Variants in ADAMTSL3 observed in about 807,000 individuals in gnomAD.
ADAMTSL3 encodes the protein ADAMTS like 3.
ADAMTSL3 carries 128 observed loss-of-function variants against 201.7 expected under a neutral mutation model. That is an observed-to-expected ratio of 0.63 (90% CI 0.55 to 0.73). The LOEUF (loss-of-function observed/expected upper bound fraction) is 0.73. Ranked by LOEUF, ADAMTSL3 falls within the 30% of genes least tolerant of loss-of-function variation. The pLI, the probability that ADAMTSL3 is intolerant of heterozygous loss-of-function variation, is 0.00. For missense variants in ADAMTSL3, 1,990 were observed against 2,119.6 expected (o/e 0.94, Z 1.20); for synonymous variants, 738 against 748.4 (o/e 0.99, Z 0.23).
At chr15:83,964,713 C>T (rs899778852) in intron 19 of ADAMTSL3, among the ~76,000 whole-genome samples, 1 of 152,140 alleles carries the variant, frequency 6.6e-6, no homozygotes, top group Non-Finnish European at 1.5e-5. Flanking sequence ...CCCCAAGACA[C>T]ATAATCGTCA....
chr15:83,720,375 A>G (rs1015064209), intron 3 of ADAMTSL3, among the ~76,000 whole-genome samples: 3 of 152,242 alleles, frequency 2.0e-5, no homozygotes, highest in Admixed American at 2.0e-4. Context: ...CATTTCTTCC[A>G]TAGATATTTC....
intron 6 of ADAMTSL3, among the ~76,000 whole-genome samples, chr15:83,833,979 G>A (rs557469838): frequency 2.0e-5 from 3 of 152,264 alleles, no homozygotes; most frequent in South Asian, 2.1e-4. Flanking sequence ...GTTAATAACC[G>A]TGCTTTATCC....
intron 5 of ADAMTSL3, among the ~76,000 whole-genome samples, chr15:83,806,491 C>A (rs1187455719): frequency 6.6e-6 from 1 of 152,220 alleles, no homozygotes; most frequent in Non-Finnish European, 1.5e-5. Context: ...AGGGAAAAGT[C>A]TTTCCTTATA....
rs1040488628 is a variant in ADAMTSL3 at position 83,746,563 on chromosome 15, G to A, written c.190-26960G>A. The stretch of plus-strand genomic sequence containing the variant: ...ATGACAGAGTTAATACATCAACTGC[G>A]GTCTATTGCTCATGTTCCTGTTTGC... On this transcript the variant is annotated intron_variant, in intron 3 of 29. Transcript: ENST00000286744. 5.3e-5 allele frequency among the ~76,000 whole-genome samples: 8 copies of A among 152,066 alleles called. No homozygotes were observed. The South Asian group carries it at 8.3e-4, about 16-fold the overall frequency.
chr15:83,797,472 A>G (rs1040663043), intron 4 of ADAMTSL3, among the ~76,000 whole-genome samples: 1 of 152,044 alleles, frequency 6.6e-6, no homozygotes, highest in Non-Finnish European at 1.5e-5. Context: ...GTGGTAGCAC[A>G]TGCCTGTAAT....
chr15:83,887,944 C>T (rs2065429539), intron 10 of ADAMTSL3, among the ~76,000 whole-genome samples: 1 of 152,108 alleles, frequency 6.6e-6, no homozygotes, highest in Non-Finnish European at 1.5e-5. Flanking sequence ...CATAGTCATT[C>T]AGAGAGACGT....
chr15:83,972,712 T>A (rs897223405), intron 20 of ADAMTSL3, among the ~76,000 whole-genome samples: 2 of 152,094 alleles, frequency 1.3e-5, no homozygotes, highest in Admixed American at 1.3e-4. Context: ...AACATGTAGG[T>A]CATGAAGGTA....
intron 4 of ADAMTSL3, among the ~76,000 whole-genome samples, chr15:83,801,397 G>A (rs1299509260): frequency 6.6e-6 from 1 of 151,582 alleles, no homozygotes; most frequent in Non-Finnish European, 1.5e-5. Context: ...GGAGACAAGG[G>A]GTACAAGTTG....
chr15:83,823,898 CTTCTTCTTCT>C (rs2063940325), intron 6 of ADAMTSL3, among the ~76,000 whole-genome samples: 1 of 18,172 alleles, frequency 5.5e-5, no homozygotes, highest in African/African-American at 1.2e-4. Context: ...TCTTCCTCTT[CTTCTTCTTCT>C]TCTTCTTCTT....
At chr15:83,977,864 T>G (rs2067313701) in intron 20 of ADAMTSL3, among the ~76,000 whole-genome samples, 1 of 152,180 alleles carries the variant, frequency 6.6e-6, no homozygotes, top group Admixed American at 6.5e-5. Flanking sequence ...CACTGCTCAT[T>G]TCAGAATCCA....
Position 83,823,972 on chromosome 15 carries a change from T to TCTCCTC in ADAMTSL3, c.600+3940_600+3945dup, listed in dbSNP as rs1186674867. 2.2e-3 allele frequency among the ~76,000 whole-genome samples: 155 copies of TCTCCTC among 71,210 alleles called. 8 individuals are homozygous for TCTCCTC. Among genetic ancestry groups the TCTCCTC allele is most frequent in the South Asian group, 2.2e-3 (5 of 2,252 alleles). 46.7% of individuals were successfully genotyped at this position (71,210 alleles called of 152,430 possible). On this transcript the variant is annotated intron_variant, in intron 6 of 29. Coordinates refer to ENST00000286744, the MANE Select transcript of ADAMTSL3 (RefSeq NM_207517.3). ...TTCTTCTTCTTCTTCTTCTTCTTCT[T>TCTCCTC]CTCCTCCTCCTCCTCCTCCTTCTCC...
chr15:83,822,121 G>T (rs1471103333), intron 6 of ADAMTSL3, among the ~76,000 whole-genome samples: 1 of 148,570 alleles, frequency 6.7e-6, no homozygotes, highest in East Asian at 2.1e-4. Flanking sequence ...CTGGCCGGGC[G>T]GGGGGCTGAC....
In ADAMTSL3 at chr15:83,890,263, C is replaced by T. The variant is rs1347051245; in HGVS notation, c.1211+16C>T. ...GCCCATCAAGGTTTGTGTCATTGTCCACACCCTTTTTACTTCAAAAAGAAA... is the reference window on the plus strand; with the variant it reads ...GCCCATCAAGGTTTGTGTCATTGTCTACACCCTTTTTACTTCAAAAAGAAA... On this transcript the variant is annotated intron_variant, in intron 11 of 29. Transcript: ENST00000286744. 3 of 1,611,966 alleles carry T rather than the reference C, an allele frequency of 1.9e-6. No individual in the cohort carries two copies. The highest frequency in any genetic ancestry group is 2.5e-6 in the Non-Finnish European group (3 of 1,179,132).
chr15:84,014,915 C>G (rs1179852751), intron 24 of ADAMTSL3, among the ~76,000 whole-genome samples, 191 bp downstream of exon 24: 2 of 151,706 alleles, frequency 1.3e-5, no homozygotes, highest in African/African-American at 4.9e-5. Flanking sequence ...TTCCCAGCAC[C>G]TAACACAGAT....
rs997224455 is a variant in ADAMTSL3 at position 83,907,914 on chromosome 15, C to T, written c.1701-5178C>T. Among the ~76,000 whole-genome samples the T allele has an allele frequency of 3.9e-5, 6 of 152,292 alleles. No individual in the cohort carries two copies. In the East Asian group the frequency reaches 9.6e-4, roughly 24 times the overall value. On this transcript the variant is annotated intron_variant, in intron 15 of 29. Transcript: ENST00000286744. ...ATAGCCAGTAGTGGAATTGCTGGAT[C>T]AAACGGCAGTTTTATTTTTAAGTCT...
chr15:83,859,698 T>TAACA (rs2064816229), intron 8 of ADAMTSL3, among the ~76,000 whole-genome samples: 1 of 152,170 alleles, frequency 6.6e-6, no homozygotes. Context: ...GGTACCCTGT[T>TAACA]GGGTACCCCC....
chr15:83,877,767 A>T (rs1339361667), intron 9 of ADAMTSL3, among the ~76,000 whole-genome samples: 1 of 152,132 alleles, frequency 6.6e-6, no homozygotes. Flanking sequence ...TTCTCTCAAT[A>T]ATGTTCATAA....
At chr15:83,999,752 ATAAACT>A (rs899618940) in intron 23 of ADAMTSL3, among the ~76,000 whole-genome samples, 4 of 151,410 alleles carry the variant, frequency 2.6e-5, no homozygotes, top group African/African-American at 9.7e-5. Context: ...AACATATCAC[ATAAACT>A]TAAAAGGATT....
At chr15:83,666,891 A>G (rs377136078) in intron 2 of ADAMTSL3, among the ~76,000 whole-genome samples, 1 of 151,852 alleles carries the variant, frequency 6.6e-6, no homozygotes. Context: ...TTTCATCTTC[A>G]TATGTATGCC....
Sources: allele counts gnomAD v4.1 joint callset (sites outside exome capture counted in the v4.1 genomes callset), GRCh38; gene constraint gnomAD v4.1.1; transcripts MANE v1.5; gene names NCBI Gene and HGNC (gene_info 2026-07-23, HGNC 2026-07-21).